TSPAN5: variants seen among roughly 807,000 people sequenced by gnomAD.
The protein encoded by TSPAN5 is tetraspanin 5.
In TSPAN5, 10 loss-of-function variants were observed where a neutral mutation model predicts 37.1. The observed-to-expected ratio is 0.27, with a 90% CI of 0.17 to 0.46. The LOEUF is 0.46. Ranked by LOEUF, TSPAN5 falls within the 20% of genes least tolerant of loss-of-function variation. The pLI is 1.00. For synonymous variants in TSPAN5, 110 were observed against 118.9 expected (o/e 0.93, Z 0.48); for missense variants, 195 against 326.6 (o/e 0.60, Z 3.11).
intron 2 of TSPAN5, among the ~76,000 whole-genome samples, chr4:98,501,248 AC>A (rs1753340537): frequency 6.6e-6 from 1 of 152,316 alleles, no homozygotes; most frequent in African/African-American, 2.4e-5. Context: ...TTCAGAAACC[AC>A]ACGTATTTAC....
At chr4:98,518,945 C>G (rs1431316637) in intron 1 of TSPAN5, among the ~76,000 whole-genome samples, 2 of 152,172 alleles carry the variant, frequency 1.3e-5, no homozygotes, top group Non-Finnish European at 2.9e-5. Flanking sequence ...CCATGGGAAG[C>G]CAACCAAGGA....
At position 98,478,731 on chromosome 4, in the gene TSPAN5, C is replaced by A. The variant is rs373765263; in HGVS notation, c.530G>T (p.Arg177Leu). The change falls in exon 5 of 8, where the codon CGA becomes CTA. Residue 177 changes from arginine to leucine, a missense_variant. By Grantham distance (102) the Arg-to-Leu change is moderately radical. Transcript: ENST00000305798. ...YFNCTDSNAS[R>L]ERCGVPFSCC... ...GGAGAATGGAACGCCACATCGCTCT[C>A]GACTTGCATTGGAATCTGTGCAATT... is the stretch of plus-strand genomic sequence containing the variant. 2 of 1,614,026 alleles carry A rather than the reference C, an allele frequency of 1.2e-6. No homozygotes were observed. Among genetic ancestry groups the A allele is most frequent in the Non-Finnish European group, 1.7e-6 (2 of 1,180,038 alleles).
At chr4:98,589,547 C>A (rs1278213289) in intron 1 of TSPAN5, among the ~76,000 whole-genome samples, 1 of 152,186 alleles carries the variant, frequency 6.6e-6, no homozygotes, top group Non-Finnish European at 1.5e-5. Flanking sequence ...ATGAGGGGCA[C>A]CTTTCTTTCC....
intron 1 of TSPAN5, among the ~76,000 whole-genome samples, chr4:98,569,799 C>T (rs947736513): frequency 4.6e-5 from 7 of 152,172 alleles, no homozygotes; most frequent in African/African-American, 1.4e-4. Flanking sequence ...ATACTCAGTC[C>T]AATGACTGGT....
In TSPAN5 at chr4:98,566,783, C is replaced by T. The variant is rs531718497; in HGVS notation, c.82-59055G>A. On this transcript the variant is annotated intron_variant, in intron 1 of 7. Coordinates refer to ENST00000305798, the MANE Select transcript of TSPAN5 (RefSeq NM_005723.4). ...CACCAGCATAGCAGGGAAAACATGA[C>T]GCAAGACCCATCTGGGACAGGTGGG... is the stretch of plus-strand genomic sequence containing the variant. Among the ~76,000 whole-genome samples the T allele has an allele frequency of 7.5e-4, 114 of 152,328 alleles. 3 individuals are homozygous for T. The South Asian group carries it at 0.022, about 30-fold the overall frequency.
rs576557139 is a variant in TSPAN5, at chr4:98,496,096, T to C, written c.133-9212A>G. Among the ~76,000 whole-genome samples, 13 of 152,140 alleles carry C rather than the reference T, an allele frequency of 8.5e-5. 1 individual carries two copies. The South Asian group carries it at 2.7e-3, about 32-fold the overall frequency. ...AAGAGATAGAGAAGGATTTCCCTAG[T>C]GAGAAAGGGTAACGAGGAATGACAT... On this transcript the variant is annotated intron_variant, in intron 2 of 7. Coordinates refer to ENST00000305798, the MANE Select transcript of TSPAN5 (RefSeq NM_005723.4).
chr4:98,622,701 G>A (rs1358180722), intron 1 of TSPAN5, among the ~76,000 whole-genome samples: 2 of 152,200 alleles, frequency 1.3e-5, no homozygotes, highest in African/African-American at 4.8e-5. Context: ...AGGACAGTCA[G>A]TCTGAGGCTT....
At chr4:98,591,117 G>C (rs1383529897) in intron 1 of TSPAN5, among the ~76,000 whole-genome samples, 2 of 144,676 alleles carry the variant, frequency 1.4e-5, no homozygotes, top group Non-Finnish European at 3.0e-5. Context: ...TTTATTTACA[G>C]ACATATTTTT....
At chr4:98,644,230 C>T (rs527798896) in intron 1 of TSPAN5, among the ~76,000 whole-genome samples, 2 of 152,032 alleles carry the variant, frequency 1.3e-5, no homozygotes, top group East Asian at 3.9e-4. Context: ...CCGGTAAAGT[C>T]GGAAGAAATG....
chr4:98,501,533 A>G (rs376047427), intron 2 of TSPAN5, among the ~76,000 whole-genome samples: 1 of 152,206 alleles, frequency 6.6e-6, no homozygotes, highest in Non-Finnish European at 1.5e-5. Context: ...AAACACAAGG[A>G]AGGGGAAGAA....
At chr4:98,625,489 T>C (rs1307134935) in intron 1 of TSPAN5, among the ~76,000 whole-genome samples, 2 of 152,230 alleles carry the variant, frequency 1.3e-5, no homozygotes, top group South Asian at 2.1e-4. Flanking sequence ...CCATGCAAGA[T>C]TGACGTTACT....
rs1578926141 is a variant in TSPAN5, at chr4:98,470,720, A to AAC, written c.*1800_*1801dup. 1 of 152,220 alleles carries AAC rather than the reference A, an allele frequency of 6.6e-6. No individual in the cohort carries two copies. Among genetic ancestry groups the AAC allele is most frequent in the African/African-American group, 2.4e-5 (1 of 41,458 alleles). 9.4% of individuals were successfully genotyped at this position (152,220 alleles called of 1,614,324 possible). A position where few individuals can be genotyped will look rare whatever the true frequency, so the allele number is the denominator to read the frequency against. ...ATACCTCTACCTATACAGAGACAAA[A>AAC]ACACACACATGCAGAGCCATACACA... On this transcript the variant is annotated 3_prime_UTR_variant, in exon 8 of 8. Coordinates refer to ENST00000305798, the MANE Select transcript of TSPAN5 (RefSeq NM_005723.4).
At chr4:98,598,681 T>G (rs1755813329) in intron 1 of TSPAN5, among the ~76,000 whole-genome samples, 1 of 152,026 alleles carries the variant, frequency 6.6e-6, no homozygotes, top group Non-Finnish European at 1.5e-5. Context: ...AGGCTGGTCT[T>G]GAACTGCCAA....
In TSPAN5 at chr4:98,486,870, G is replaced by A. The variant is rs1752971602; in HGVS notation, c.147C>T (p.Asn49=). 1.2e-6 allele frequency: 2 copies of A among 1,614,020 alleles called. No individual in the cohort carries two copies. Among genetic ancestry groups the A allele is most frequent in the Non-Finnish European group, 1.7e-6 (2 of 1,180,006 alleles). Residue 49 remains asparagine (N), a synonymous_variant, in exon 3 of 8, where the codon AAC becomes AAT. Transcript: ENST00000305798. ...WAWNEKGVLS[N]ISSITDLGGF... is the part of the protein sequence containing the mutation. ...CGCCGAGATCGGTGATGGAAGAGAT[G>A]TTGGACAGAACTCCCTGGGAGCAGA...
intron 1 of TSPAN5, among the ~76,000 whole-genome samples, chr4:98,566,661 G>T (rs1339612055): frequency 2.0e-5 from 3 of 152,210 alleles, no homozygotes; most frequent in Non-Finnish European, 4.4e-5. Context: ...GCCTGATGTT[G>T]TAAGAGGCTT....
At chr4:98,488,728 G>T (rs1342590349) in intron 2 of TSPAN5, among the ~76,000 whole-genome samples, 2 of 152,134 alleles carry the variant, frequency 1.3e-5, no homozygotes, top group Non-Finnish European at 2.9e-5. Context: ...AAATGATGCT[G>T]AGAAAAAACT....
intron 1 of TSPAN5, among the ~76,000 whole-genome samples, chr4:98,541,424 C>T: frequency 6.6e-6 from 1 of 151,962 alleles, no homozygotes; most frequent in East Asian, 1.9e-4. Flanking sequence ...CCTGTAATTC[C>T]AGCACTTTGG....
At chr4:98,567,038 GC>G (rs1755020639) in intron 1 of TSPAN5, among the ~76,000 whole-genome samples, 1 of 152,206 alleles carries the variant, frequency 6.6e-6, no homozygotes, top group Non-Finnish European at 1.5e-5. Flanking sequence ...CTACAAAGCT[GC>G]CCCCCAGGGT....
intron 1 of TSPAN5, among the ~76,000 whole-genome samples, chr4:98,541,944 A>G (rs1560529962): frequency 6.6e-6 from 1 of 152,122 alleles, no homozygotes; most frequent in Admixed American, 6.5e-5. Context: ...GATTATCTCT[A>G]TATAGTGTCT....
Sources: gnomAD v4.1 joint callset for allele counts (sites outside exome capture counted in the v4.1 genomes callset) on GRCh38, gnomAD v4.1.1 for gene constraint, MANE v1.5 for transcripts, NCBI Gene and HGNC (gene_info 2026-07-23, HGNC 2026-07-21) for gene names.